UBR3: variants seen among roughly 807,000 people sequenced by gnomAD.
UBR3 encodes the protein E3 ubiquitin-protein ligase UBR3.
A neutral mutation model predicts 243.2 loss-of-function variants in UBR3; 85 were observed. The observed-to-expected ratio is 0.35, with a 90% CI of 0.29 to 0.42. The LOEUF (loss-of-function observed/expected upper bound fraction) is 0.42. UBR3 is among the 10% of genes least tolerant of loss of function. The pLI, the probability that UBR3 is intolerant of heterozygous loss-of-function variation, is 1.00. For synonymous variants in UBR3, 748 were observed against 799.8 expected, an observed-to-expected ratio of 0.94 and a Z score of 1.09; for missense variants, 1,686 against 2,300.8, an observed-to-expected ratio of 0.73 and a Z score of 5.47.
intron 24 of UBR3, among the ~76,000 whole-genome samples, chr2:169,984,332 C>T (rs2088898377): frequency 6.6e-6 from 1 of 152,100 alleles, no homozygotes; most frequent in African/African-American, 2.4e-5. Context: ...GACTGTATAA[C>T]TGAATCCAGA....
At chr2:169,962,940 G>T (rs551334617) in intron 24 of UBR3, among the ~76,000 whole-genome samples, 1 of 152,242 alleles carries the variant, frequency 6.6e-6, no homozygotes, top group African/African-American at 2.4e-5. Context: ...ATTGTCTCTA[G>T]TCTGTGTACA....
chr2:169,943,864 T>G (rs1185348791), intron 20 of UBR3, among the ~76,000 whole-genome samples: 1 of 152,160 alleles, frequency 6.6e-6, no homozygotes, highest in Non-Finnish European at 1.5e-5. Context: ...AATTTTATTT[T>G]TTTTCTTAAT....
Position 169,891,250 on chromosome 2 carries a change from A to G in UBR3, c.1105+19A>G. On this transcript the variant is annotated intron_variant, in intron 6 of 38. Transcript: ENST00000272793. ...ACCAAAGGTATTTGTATTTATTATTATTTTTTTCCTTGAATAAAATGCTTC... is the reference window on the plus strand; with the variant it reads ...ACCAAAGGTATTTGTATTTATTATTGTTTTTTTCCTTGAATAAAATGCTTC... The G allele has an allele frequency of 6.5e-7, 1 of 1,535,450 alleles. No homozygotes were observed. The highest frequency in any genetic ancestry group is 1.2e-5 in the South Asian group (1 of 82,880).
chr2:169,920,684 G>T (rs2085663455), intron 11 of UBR3, among the ~76,000 whole-genome samples: 1 of 152,068 alleles, frequency 6.6e-6, no homozygotes, highest in Non-Finnish European at 1.5e-5. Context: ...ACCATTTCAG[G>T]CATACTCCCA....
rs201838346 is a variant in UBR3, at chr2:169,917,087, C to A, written c.1866+2941C>A. ...CCTGCCCTGAATTAATTTTTCTTTA[C>A]CCCTCATTACCCCTCCCCCAACATT... On this transcript the variant is annotated intron_variant, in intron 11 of 38. Coordinates refer to ENST00000272793, the MANE Select transcript of UBR3 (RefSeq NM_172070.4). 1.4e-4 allele frequency among the ~76,000 whole-genome samples: 22 copies of A among 152,226 alleles called. No individual in the cohort carries two copies. The East Asian group carries it at 1.5e-3, about 11-fold the overall frequency.
chr2:170,017,546 GACACACACACACACAC>G (rs34813217), intron 30 of UBR3, among the ~76,000 whole-genome samples: 7 of 125,756 alleles, frequency 5.6e-5, no homozygotes, highest in East Asian at 2.6e-4. Context: ...CACACACACA[GACACACACACACACAC>G]ACACACACAC....
chr2:169,829,515 C>T (rs2081860068), intron 1 of UBR3, among the ~76,000 whole-genome samples: 1 of 151,632 alleles, frequency 6.6e-6, no homozygotes, highest in Non-Finnish European at 1.5e-5. Context: ...CCTCCGCCCC[C>T]TGGGTTCAAG....
At chr2:169,931,370 A>T (rs1325881856) in intron 18 of UBR3, among the ~76,000 whole-genome samples, 1 of 151,318 alleles carries the variant, frequency 6.6e-6, no homozygotes, top group Non-Finnish European at 1.5e-5. Flanking sequence ...AAAAAAAAAA[A>T]AAAGGACGAT....
At chr2:169,877,102 C>T (rs1026238972) in intron 3 of UBR3, among the ~76,000 whole-genome samples, 6 of 152,176 alleles carry the variant, frequency 3.9e-5, no homozygotes, top group Non-Finnish European at 8.8e-5. Context: ...CTTGGTATTA[C>T]GAGAGCACAG....
At chr2:169,925,037 A>G (rs952406372) in intron 13 of UBR3, among the ~76,000 whole-genome samples, 5 of 152,218 alleles carry the variant, frequency 3.3e-5, no homozygotes, top group Admixed American at 6.5e-5. Flanking sequence ...TGTTTCAAAA[A>G]AAACAAAAAA....
At chr2:169,920,699 G>C (rs2105343494) in intron 11 of UBR3, among the ~76,000 whole-genome samples, 1 of 152,220 alleles carries the variant, frequency 6.6e-6, no homozygotes, top group East Asian at 1.9e-4. Flanking sequence ...CTCCCAGATT[G>C]TCTGTGAATG....
chr2:169,906,140 G>A lies in UBR3; in HGVS notation c.1755G>A (p.Gly585=). ...AGGCCTGTGCACAGCCAATGTGGGG[G>A]CTTTTATCACATTGTAAAGTTAGGG... is the stretch of plus-strand genomic sequence containing the variant. The part of the protein sequence containing the change: ...ELEACAQPMW[G]LLSHCKVRET... The change falls in exon 10 of 39, where the codon GGG becomes GGA. Residue 585 remains glycine, a synonymous_variant. Transcript: ENST00000272793. The A allele has an allele frequency of 1.3e-6, 2 of 1,547,662 alleles. No homozygotes were observed. Among genetic ancestry groups the A allele is most frequent in the East Asian group, 2.5e-5 (1 of 40,798 alleles).
At chr2:169,921,942 G>C (rs1229648191) in intron 11 of UBR3, among the ~76,000 whole-genome samples, 1 of 152,060 alleles carries the variant, frequency 6.6e-6, no homozygotes, top group African/African-American at 2.4e-5. Flanking sequence ...AGTGAGCTGA[G>C]ATCGCGCCAC....
intron 1 of UBR3, among the ~76,000 whole-genome samples, chr2:169,844,068 G>A (rs1012822674): frequency 3.3e-4 from 50 of 149,272 alleles, no homozygotes; most frequent in African/African-American, 1.1e-3. Context: ...GTGCAATGGC[G>A]CGACCTCGGC....
intron 8 of UBR3, among the ~76,000 whole-genome samples, chr2:169,898,730 C>G (rs1258631592): frequency 8.1e-6 from 1 of 123,924 alleles, no homozygotes; most frequent in African/African-American, 3.2e-5. Flanking sequence ...GAGACGGAGT[C>G]TCGCTCTGTC....
Position 169,827,466 on chromosome 2 carries a change from G to A in UBR3, c.-42G>A, listed in dbSNP as rs1264240658. ...AGTCTATTCCCTCACTCTCCCTGGAGGAGCCGCTGGCCCTGGACTCTCCAA... is the reference window on the plus strand; with the variant it reads ...AGTCTATTCCCTCACTCTCCCTGGAAGAGCCGCTGGCCCTGGACTCTCCAA... On this transcript the variant is annotated 5_prime_UTR_variant, in exon 1 of 39. Coordinates refer to ENST00000272793, the MANE Select transcript of UBR3 (RefSeq NM_172070.4). 6 of 1,219,932 alleles carry A rather than the reference G, an allele frequency of 4.9e-6. No homozygotes were observed. Among genetic ancestry groups the A allele is most frequent in the Non-Finnish European group, 6.1e-6 (6 of 980,286 alleles). 75.6% of individuals were successfully genotyped at this position (1,219,932 alleles called of 1,614,324 possible). A position where few individuals can be genotyped will look rare whatever the true frequency, so the allele number is the denominator to read the frequency against.
intron 11 of UBR3, among the ~76,000 whole-genome samples, chr2:169,920,780 C>T (rs2085666901): frequency 6.6e-6 from 1 of 152,150 alleles, no homozygotes; most frequent in African/African-American, 2.4e-5. Flanking sequence ...GTCCCCTGCC[C>T]TGCCTCCAGT....
intron 33 of UBR3, 124 bp downstream of exon 33, chr2:170,055,708 C>G (rs1024756118): frequency 8.3e-7 from 1 of 1,209,562 alleles, no homozygotes; most frequent in Non-Finnish European, 1.1e-6. Context: ...AATTGAGCAC[C>G]TACAGGCTAA....
chr2:169,956,242 A>T (rs1161303386), intron 23 of UBR3, among the ~76,000 whole-genome samples: 1 of 138,716 alleles, frequency 7.2e-6, no homozygotes, highest in Admixed American at 7.7e-5. Context: ...GTATCTATCT[A>T]TCTGGATAGA....
Sources: gnomAD v4.1 joint callset for allele counts (sites outside exome capture counted in the v4.1 genomes callset) on GRCh38, gnomAD v4.1.1 for gene constraint, MANE v1.5 for transcripts, NCBI Gene and HGNC (gene_info 2026-07-23, HGNC 2026-07-21) for gene names.